Variants in C5 observed in about 807,000 individuals in gnomAD.
C5 encodes the protein complement C5.
In C5, 140 loss-of-function variants were observed where a neutral mutation model predicts 218.8. The observed-to-expected ratio is 0.64, with a 90% CI of 0.56 to 0.74. The LOEUF is 0.74. C5 is among the 30% of genes least tolerant of loss of function. C5 has a pLI of 0.00. For missense variants in C5, 1,700 were observed against 1,969.6 expected, an observed-to-expected ratio of 0.86 and a Z score of 2.59; for synonymous variants, 614 against 682.3, an observed-to-expected ratio of 0.90 and a Z score of 1.56.
At chr9:120,959,736 C>T (rs1035286473) in intron 38 of C5, among the ~76,000 whole-genome samples, 14 of 152,150 alleles carry the variant, frequency 9.2e-5, no homozygotes, top group African/African-American at 2.2e-4. Flanking sequence ...TAGCTCTAAG[C>T]GCTGGACAAC....
At chr9:121,074,835 A>G in the C5 span, 1 of 456,232 alleles carries the variant, frequency 2.2e-6, no homozygotes, top group Non-Finnish European at 4.4e-6. Context: ...ACTCCCCGGC[A>G]TCCTAGCGCG....
At position 120,996,229 on chromosome 9, in the gene C5, A is replaced by T; in HGVS notation, c.2851+11T>A. 1 of 1,583,338 alleles carries T rather than the reference A, an allele frequency of 6.3e-7. No individual in the cohort carries two copies. The highest frequency in any genetic ancestry group is 8.7e-7 in the Non-Finnish European group (1 of 1,152,042). ...AAGATAACATATAAAATAAAAAATC[A>T]TTTTGCCTACCATAAATACCCCTAG... On this transcript the variant is annotated intron_variant, in intron 22 of 40. Transcript: ENST00000223642.
intron 39 of C5, among the ~76,000 whole-genome samples, chr9:120,955,830 C>T (rs2046780272): frequency 6.6e-6 from 1 of 151,736 alleles, no homozygotes; most frequent in African/African-American, 2.4e-5. Context: ...TCCCTTGAGC[C>T]TAGGAGTTTG....
At position 120,952,490 on chromosome 9, in the gene C5, T is replaced by C. The variant is rs2046751488; in HGVS notation, c.*249A>G. The C allele has an allele frequency of 2.5e-6, 1 of 408,074 alleles. No individual in the cohort carries two copies. The highest frequency in any genetic ancestry group is 4.6e-6 in the Non-Finnish European group (1 of 216,980). 25.3% of individuals were successfully genotyped at this position (408,074 alleles called of 1,614,324 possible). On this transcript the variant is annotated 3_prime_UTR_variant, in exon 41 of 41. Transcript: ENST00000223642. ...GGTAGGTTTGAGGAGGTGTTCCAAT[T>C]TATTGTTTCCGGTGTCCAATAACCT... is the stretch of plus-strand genomic sequence containing the variant.
chr9:120,977,849 A>G (rs574793246), intron 28 of C5, among the ~76,000 whole-genome samples: 16 of 152,326 alleles, frequency 1.1e-4, no homozygotes, highest in African/African-American at 3.8e-4. Context: ...TTACCATGTC[A>G]CTTTGGGCAA....
chr9:121,066,170 G>C, the C5 span, among the ~76,000 whole-genome samples: 2 of 148,878 alleles, frequency 1.3e-5, no homozygotes, highest in Non-Finnish European at 3.0e-5. Flanking sequence ...AAATTAGCCG[G>C]GAGTGGTGGT....
chr9:121,019,177 G>A (rs1304798516), intron 12 of C5, among the ~76,000 whole-genome samples: 1 of 151,852 alleles, frequency 6.6e-6, no homozygotes, highest in Non-Finnish European at 1.5e-5. Flanking sequence ...AATGCCCTCA[G>A]AGGTCCCTTA....
the C5 span, among the ~76,000 whole-genome samples, chr9:121,057,247 T>C: frequency 6.6e-6 from 1 of 152,182 alleles, no homozygotes. Flanking sequence ...AAGAAAAGGC[T>C]ATTAATGAGC....
chr9:120,980,782 A>G (rs1015169418), intron 27 of C5, among the ~76,000 whole-genome samples: 1 of 151,030 alleles, frequency 6.6e-6, no homozygotes, highest in African/African-American at 2.4e-5. Flanking sequence ...TATTTTTGGT[A>G]GAGACGGGGT....
rs113999892 is a variant in C5, at chr9:121,030,015, T to C, written c.758+382A>G. On this transcript the variant is annotated intron_variant, in intron 7 of 40. Coordinates refer to ENST00000223642, the MANE Select transcript of C5 (RefSeq NM_001735.3). ...CCAGCTGACTCATAAATGTGGGAGT[T>C]TCAAGGCACTGGGTTTTGAAGTAGT... is the stretch of plus-strand genomic sequence containing the variant. Among the ~76,000 whole-genome samples the C allele has an allele frequency of 5.8e-3, 890 of 152,228 alleles. 9 individuals carry two copies. Among genetic ancestry groups the C allele is most frequent in the African/African-American group, 0.02 (824 of 41,512 alleles).
chr9:121,016,478 C>T (rs1335349710), intron 14 of C5, 95 bp from the exon 15 acceptor site: 1 of 1,465,022 alleles, frequency 6.8e-7, no homozygotes, highest in Non-Finnish European at 9.5e-7. Flanking sequence ...TTATCACAAA[C>T]CAGTGAAATA....
At chr9:121,013,732 T>A (rs2047282300) in intron 17 of C5, 141 bp downstream of exon 17, 1 of 802,740 alleles carries the variant, frequency 1.2e-6, no homozygotes. Context: ...ATGAAGGATT[T>A]TTTTTTCTTA....
chr9:121,067,321 G>A, the C5 span, among the ~76,000 whole-genome samples: 1 of 151,840 alleles, frequency 6.6e-6, no homozygotes, highest in Non-Finnish European at 1.5e-5. Context: ...CCCACACTTT[G>A]AGAGGCCAAG....
chr9:120,969,039 C>G, intron 33 of C5, 22 bp downstream of exon 33: 1 of 1,602,932 alleles, frequency 6.2e-7, no homozygotes, highest in Non-Finnish European at 8.5e-7. Context: ...GTCTATGCTC[C>G]CCTTTGTGGA....
At chr9:121,026,312 C>T (rs1252873282) in intron 8 of C5, among the ~76,000 whole-genome samples, 1 of 152,130 alleles carries the variant, frequency 6.6e-6, no homozygotes. Flanking sequence ...GGAACCAGCG[C>T]CCTAATCTCA....
intron 19 of C5, 24 bp downstream of exon 19, chr9:121,006,880 C>T: frequency 7.0e-7 from 1 of 1,427,618 alleles, no homozygotes; most frequent in African/African-American, 1.4e-5. Flanking sequence ...TATTTAAATG[C>T]ATATATCACT....
At chr9:121,004,015 C>T (rs2047194478) in intron 20 of C5, among the ~76,000 whole-genome samples, 2 of 152,012 alleles carry the variant, frequency 1.3e-5, no homozygotes, top group Non-Finnish European at 2.9e-5. Flanking sequence ...ACTACAGGCG[C>T]CTGCCACCAA....
chr9:120,974,736 G>A, intron 30 of C5, 43 bp downstream of exon 30: 1 of 1,532,134 alleles, frequency 6.5e-7, no homozygotes, highest in Non-Finnish European at 9.0e-7. Context: ...GATTTCAATG[G>A]TCTCAGCCAA....
At chr9:121,033,089 C>CAT (rs918775825) in intron 5 of C5, among the ~76,000 whole-genome samples, 29 of 151,436 alleles carry the variant, frequency 1.9e-4, no homozygotes, top group Non-Finnish European at 3.7e-4. Flanking sequence ...CACACACACA[C>CAT]ATATATATAC....
Sources: gnomAD v4.1 joint callset for allele counts (sites outside exome capture counted in the v4.1 genomes callset) on GRCh38, gnomAD v4.1.1 for gene constraint, MANE v1.5 for transcripts, NCBI Gene and HGNC (gene_info 2026-07-23, HGNC 2026-07-21) for gene names.